Variants in SH3BGRL observed in about 807,000 individuals in gnomAD.
SH3BGRL encodes the protein adapter SH3BGRL.
In SH3BGRL, 7 loss-of-function variants were observed where a neutral mutation model predicts 9.8. The ratio of observed to expected loss-of-function variants is 0.72; its 90% CI spans 0.41 to 1.35. SH3BGRL has a LOEUF of 1.35. SH3BGRL is among the 40% of genes most tolerant of loss of function. The pLI, the probability that SH3BGRL is intolerant of heterozygous loss-of-function variation, is 0.01. For synonymous variants in SH3BGRL, 36 were observed against 29.1 expected, an observed-to-expected ratio of 1.24 and a Z score of -0.76; for missense variants, 73 against 84.4, an observed-to-expected ratio of 0.86 and a Z score of 0.53.
intron 1 of SH3BGRL, among the ~76,000 whole-genome samples, chrX:81,203,415 T>C (rs1319576048): frequency 8.9e-6 from 1 of 112,248 alleles, no homozygotes; most frequent in Non-Finnish European, 1.9e-5. Context: ...GATATGTTTA[T>C]GCAATTTTGG....
chrX:81,269,859 A>T (rs2075771930), intron 1 of SH3BGRL, among the ~76,000 whole-genome samples: 1 of 111,792 alleles, frequency 8.9e-6, no homozygotes, highest in Admixed American at 9.5e-5. Context: ...TACACCAATC[A>T]GACGTAGATT....
intron 3 of SH3BGRL, among the ~76,000 whole-genome samples, chrX:81,280,913 C>G (rs1478493800): frequency 6.3e-5 from 7 of 110,309 alleles, no homozygotes; most frequent in Non-Finnish European, 1.3e-4. Flanking sequence ...GCAAGGAAAT[C>G]CAAAAAATGA....
At chrX:81,246,042 G>A (rs1416056468) in intron 1 of SH3BGRL, among the ~76,000 whole-genome samples, 1 of 111,566 alleles carries the variant, frequency 9.0e-6, no homozygotes, top group Non-Finnish European at 1.9e-5. Context: ...TTGTGGTTTT[G>A]ATTAACATTT....
At chrX:81,218,859 T>C (rs1278076699) in intron 1 of SH3BGRL, among the ~76,000 whole-genome samples, 5 of 107,959 alleles carry the variant, frequency 4.6e-5, no homozygotes, top group Non-Finnish European at 9.6e-5. Context: ...AGTCAATGTA[T>C]CCATCTTTGC....
chrX:81,252,576 G>T (rs1198202249), intron 1 of SH3BGRL, among the ~76,000 whole-genome samples: 1 of 111,174 alleles, frequency 9.0e-6, no homozygotes, highest in African/African-American at 3.3e-5. Context: ...AGTTGTCTTG[G>T]GTCACACATA....
chrX:81,224,459 G>T (rs947146821), intron 1 of SH3BGRL, among the ~76,000 whole-genome samples: 1 of 100,302 alleles, frequency 1.0e-5, no homozygotes, highest in African/African-American at 3.6e-5. Context: ...TTCTTTGAAA[G>T]AAAGGATTTT....
At chrX:81,223,985 C>T (rs1232880855) in intron 1 of SH3BGRL, among the ~76,000 whole-genome samples, 1 of 111,916 alleles carries the variant, frequency 8.9e-6, no homozygotes, top group African/African-American at 3.2e-5. Flanking sequence ...TGCACCTGGC[C>T]AAATTCTTTA....
chrX:81,298,102 A>C lies in SH3BGRL; in HGVS notation c.*875A>C, dbSNP rs190253478. ...TTTCCCTTGAGTTTTTGCTAAAACA[A>C]ATCTTAGTAGTTTTGCCCGTTTAAA... On this transcript the variant is annotated 3_prime_UTR_variant, in exon 4 of 4. Transcript: ENST00000373212. 1 of 112,036 alleles carries C rather than the reference A, an allele frequency of 8.9e-6. No individual in the cohort carries two copies. Among genetic ancestry groups the C allele is most frequent in the East Asian group, 2.8e-4 (1 of 3,569 alleles). 9.2% of individuals were successfully genotyped at this position (112,036 alleles called of 1,213,427 possible).
chrX:81,250,414 A>T (rs1168554238), intron 1 of SH3BGRL, among the ~76,000 whole-genome samples: 4 of 110,600 alleles, frequency 3.6e-5, no homozygotes, highest in Admixed American at 9.6e-5. Context: ...CTCAAAAAAA[A>T]AAAAAAATAA....
chrX:81,278,445 A>G (rs1228255425), intron 3 of SH3BGRL, 34 bp downstream of exon 3: 1 of 895,598 alleles, frequency 1.1e-6, no homozygotes, highest in South Asian at 2.3e-5. Flanking sequence ...TTTATAGGTC[A>G]TTTTATTGCT....
chrX:81,205,926 A>C (rs2075546430), intron 1 of SH3BGRL, among the ~76,000 whole-genome samples: 1 of 111,431 alleles, frequency 9.0e-6, no homozygotes, highest in African/African-American at 3.3e-5. Context: ...ATGTTATCTC[A>C]TTATAGTTTT....
At chrX:81,257,740 T>A (rs1041105878) in intron 1 of SH3BGRL, among the ~76,000 whole-genome samples, 24 of 110,534 alleles carry the variant, frequency 2.2e-4, no homozygotes, top group Non-Finnish European at 1.3e-4. Flanking sequence ...AAATAGCAGA[T>A]CCTACCCACA....
intron 1 of SH3BGRL, among the ~76,000 whole-genome samples, chrX:81,260,170 G>C (rs1263066151): frequency 9.0e-6 from 1 of 111,698 alleles, no homozygotes. Flanking sequence ...TGCACTCAAG[G>C]AGGCTTCATT....
intron 1 of SH3BGRL, among the ~76,000 whole-genome samples, chrX:81,203,723 C>T (rs1175359949): frequency 9.0e-6 from 1 of 111,617 alleles, no homozygotes; most frequent in East Asian, 2.8e-4. Context: ...TTGCTTTCTC[C>T]TTCCTCTACC....
chrX:81,286,945 T>C (rs2075836730), intron 3 of SH3BGRL, among the ~76,000 whole-genome samples: 1 of 111,532 alleles, frequency 9.0e-6, no homozygotes, highest in Middle Eastern at 4.7e-3. Flanking sequence ...TACTGTAACT[T>C]TGATGTGTTC....
chrX:81,211,810 T>A (rs2075565568), intron 1 of SH3BGRL, among the ~76,000 whole-genome samples: 3 of 111,211 alleles, frequency 2.7e-5, no homozygotes, highest in Admixed American at 9.6e-5. Context: ...CTCTCCTTGA[T>A]CCTCAGCTTG....
At chrX:81,259,453 A>G (rs6616729) in intron 1 of SH3BGRL, among the ~76,000 whole-genome samples, 19,726 of 111,174 alleles carry the variant, frequency 0.18, 1,663 homozygotes, top group East Asian at 0.7. Context: ...CCCTAGAGAG[A>G]ATTGAAATCT....
At chrX:81,229,412 G>T (rs2075626215) in intron 1 of SH3BGRL, among the ~76,000 whole-genome samples, 1 of 112,006 alleles carries the variant, frequency 8.9e-6, no homozygotes, top group Non-Finnish European at 1.9e-5. Flanking sequence ...CACAAGGACA[G>T]AGTGCTTTCT....
At chrX:81,239,401 A>G (rs909479539) in intron 1 of SH3BGRL, among the ~76,000 whole-genome samples, 2 of 112,467 alleles carry the variant, frequency 1.8e-5, no homozygotes, top group African/African-American at 6.5e-5. Flanking sequence ...GAAATGCATC[A>G]GAGTTTTTTA....
Sources: allele counts gnomAD v4.1 joint callset (sites outside exome capture counted in the v4.1 genomes callset), GRCh38; gene constraint gnomAD v4.1.1; transcripts MANE v1.5; gene names NCBI Gene and HGNC (gene_info 2026-07-23, HGNC 2026-07-21).